CASZ1: variants seen among roughly 807,000 people sequenced by gnomAD.
CASZ1 encodes the protein castor zinc finger 1, also known as zinc finger protein castor homolog 1.
In CASZ1, 28 loss-of-function variants were observed where a neutral mutation model predicts 135.2. That is an observed-to-expected ratio of 0.21 (90% CI 0.15 to 0.28). CASZ1 has a LOEUF of 0.28. Among genes scored for constraint, CASZ1 ranks in the 10% least tolerant of loss-of-function variants. CASZ1 has a pLI of 1.00. For synonymous variants in CASZ1, 1,068 were observed against 1,073.4 expected, an observed-to-expected ratio of 0.99 and a Z score of 0.10; for missense variants, 2,161 against 2,453.3, an observed-to-expected ratio of 0.88 and a Z score of 2.52.
In CASZ1 at chr1:10,659,841, C is replaced by T. The variant is rs751784290; in HGVS notation, c.1201G>A (p.Ala401Thr). 5.0e-6 allele frequency: 8 copies of T among 1,611,584 alleles called. No homozygotes were observed. Among genetic ancestry groups the T allele is most frequent in the African/African-American group, 4.0e-5 (3 of 74,562 alleles). The change falls in exon 6 of 21, where the codon GCC (alanine) becomes ACC (threonine). Residue 401 changes from alanine to threonine, a missense_variant. This residue lies in a region of CASZ1 where 590 missense variants were observed against 609.8 expected (regional missense o/e 0.97). Coordinates refer to ENST00000377022, the MANE Select transcript of CASZ1 (RefSeq NM_001079843.3). ...GCGCTGGGGGCACTGGGCACGCTGG[C>T]GAGGGGTGCGGGAGCCAGGCTGGGG... ...PTPSLAPAPLASVPSAPSAPG... is the reference protein window; with the variant it reads ...PTPSLAPAPLTSVPSAPSAPG...
chr1:10,670,822 C>T (rs1643374665), intron 4 of CASZ1, among the ~76,000 whole-genome samples: 1 of 152,234 alleles, frequency 6.6e-6, no homozygotes, highest in Non-Finnish European at 1.5e-5. Context: ...CCCCATCCTT[C>T]AGCTGTGACC....
At chr1:10,673,881 C>T (rs750470125) in intron 4 of CASZ1, among the ~76,000 whole-genome samples, 17 of 152,186 alleles carry the variant, frequency 1.1e-4, no homozygotes, top group Non-Finnish European at 1.6e-4. Flanking sequence ...AGGCCAGGCG[C>T]CCTGGGTCTT....
intron 1 of CASZ1, among the ~76,000 whole-genome samples, chr1:10,780,205 C>A (rs1363499133): frequency 6.6e-6 from 1 of 152,228 alleles, no homozygotes; most frequent in Non-Finnish European, 1.5e-5. Flanking sequence ...CAAAGACTGT[C>A]ATTTTCTCAT....
In CASZ1 at chr1:10,639,136, C is replaced by T; in HGVS notation, c.5086G>A (p.Asp1696Asn). The T allele has an allele frequency of 1.8e-6, 2 of 1,126,282 alleles. No homozygotes were observed. Among genetic ancestry groups the T allele is most frequent in the Non-Finnish European group, 1.1e-6 (1 of 903,954 alleles). 69.8% of individuals were successfully genotyped at this position (1,126,282 alleles called of 1,614,324 possible). ...EEEAEDDEDE[D>N]DDEDDDDEDD... ...TCGTCGTCGTCGTCCTCGTCGTCGT[C>T]CTCGTCCTCGTCGTCTTCGGCCTCC... is the stretch of plus-strand genomic sequence containing the variant. The change falls in exon 21 of 21, where the codon GAC becomes AAC. Residue 1696 changes from aspartate (D) to asparagine (N), a missense_variant. Physicochemically the swap from Asp to Asn is conservative, Grantham distance 23. Transcript: ENST00000377022. The surrounding 1 kb of genome is among the most constrained non-coding windows in gnomAD (Gnocchi z 4.0).
intron 2 of CASZ1, among the ~76,000 whole-genome samples, chr1:10,713,374 T>C (rs767709013): frequency 5.3e-5 from 8 of 152,244 alleles, no homozygotes; most frequent in Non-Finnish European, 1.0e-4. Flanking sequence ...CTTTAATAAA[T>C]AATTTGTAGG....
At chr1:10,742,712 G>A (rs934051596) in intron 2 of CASZ1, among the ~76,000 whole-genome samples, 6 of 152,160 alleles carry the variant, frequency 3.9e-5, no homozygotes, top group African/African-American at 1.4e-4. Flanking sequence ...GGCCGGGTGT[G>A]GTGGCTCATG....
At chr1:10,753,815 G>C (rs994333598) in intron 2 of CASZ1, among the ~76,000 whole-genome samples, 7 of 152,172 alleles carry the variant, frequency 4.6e-5, no homozygotes, top group African/African-American at 7.2e-5. Flanking sequence ...CGGAGTCGGT[G>C]ACAGGTGGGT....
rs1409320634 is a variant in CASZ1 at position 10,756,201 on chromosome 1, C to G, written c.-77+4500G>C. 1.3e-5 allele frequency among the ~76,000 whole-genome samples: 2 copies of G among 152,134 alleles called. No individual in the cohort carries two copies. The highest frequency in any genetic ancestry group is 2.9e-5 in the Non-Finnish European group (2 of 68,010). ...GCCGCTGCCAGCCTGCACTTCTGCT[C>G]TCTCCCGTTGCTGCCTCTGGAGGTC... On this transcript the variant is annotated intron_variant, in intron 2 of 20. Transcript: ENST00000377022. The surrounding 1 kb of genome is among the most constrained non-coding windows in gnomAD (Gnocchi z 5.9).
rs552378617 is a variant in CASZ1 at position 10,688,255 on chromosome 1, G to A, written c.16+5619C>T. Among the ~76,000 whole-genome samples the A allele has an allele frequency of 3.3e-5, 5 of 152,332 alleles. No homozygotes were observed. The East Asian group carries it at 7.7e-4, about 24-fold the overall frequency. Reference sequence around the variant, plus strand: ...TCTACCCGGAGCCCCAGAACAGCAGGCTCGCAGCCAGCAGCTTCTCTATCT... The same window carrying A: ...TCTACCCGGAGCCCCAGAACAGCAGACTCGCAGCCAGCAGCTTCTCTATCT... On this transcript the variant is annotated intron_variant, in intron 4 of 20. Coordinates refer to ENST00000377022, the MANE Select transcript of CASZ1 (RefSeq NM_001079843.3).
At position 10,788,187 on chromosome 1, in the gene CASZ1, C is replaced by A. The variant is rs932753385; in HGVS notation, c.-234+8377G>T. 2.0e-5 allele frequency among the ~76,000 whole-genome samples: 3 copies of A among 152,142 alleles called. No individual in the cohort carries two copies. Among genetic ancestry groups the A allele is most frequent in the African/African-American group, 7.2e-5 (3 of 41,430 alleles). On this transcript the variant is annotated intron_variant, in intron 1 of 20. Transcript: ENST00000377022. This position sits in a 1 kb window ranked among gnomAD's most constrained non-coding sequence, Gnocchi z 4.1. ...GTATCCATTACTGTGGATAGGGGAA[C>A]CGGGAGAGCTGCCTTTGGCTTGGTG...
In CASZ1 at chr1:10,653,473, T is replaced by C. The variant is rs376938036; in HGVS notation, c.2584A>G (p.Ile862Val). 273 of 1,612,986 alleles carry C rather than the reference T, an allele frequency of 1.7e-4. No individual in the cohort carries two copies. Among genetic ancestry groups the C allele is most frequent in the Non-Finnish European group, 2.0e-4 (239 of 1,179,936 alleles). Residue 862 changes from isoleucine to valine, a missense_variant, in exon 11 of 21, where the codon ATC (isoleucine) becomes GTC (valine). By Grantham distance (29) the Ile-to-Val change is conservative. This residue lies in a region of CASZ1 where 406 missense variants were observed against 387.6 expected (regional missense o/e 1.05). Coordinates refer to ENST00000377022, the MANE Select transcript of CASZ1 (RefSeq NM_001079843.3). ...TTGCTTGCAGAGATCCTCTCCATGATGGAGGCGGGTGGTGCCGGGACAGAG... is the reference window on the plus strand; with the variant it reads ...TTGCTTGCAGAGATCCTCTCCATGACGGAGGCGGGTGGTGCCGGGACAGAG... ...AASVPAPPASIMERISASKGL... is the reference protein window; with the variant it reads ...AASVPAPPASVMERISASKGL...
At position 10,709,009 on chromosome 1, in the gene CASZ1, C is replaced by T. The variant is rs1414188159; in HGVS notation, c.-76-3465G>A. 1.4e-5 allele frequency among the ~76,000 whole-genome samples: 2 copies of T among 145,922 alleles called. No homozygotes were observed. The highest frequency in any genetic ancestry group is 2.6e-5 in the African/African-American group (1 of 38,668). On this transcript the variant is annotated intron_variant, in intron 2 of 20. Coordinates refer to ENST00000377022, the MANE Select transcript of CASZ1 (RefSeq NM_001079843.3). The surrounding 1 kb of genome is among the most constrained non-coding windows in gnomAD (Gnocchi z 5.1). The stretch of plus-strand genomic sequence containing the variant: ...TGGGTGAGGGAGGGAGGGAGTGCCA[C>T]GAGAGATGGGACGGGGGAGAGTGAC...
At chr1:10,781,163 G>A (rs374446678) in intron 1 of CASZ1, among the ~76,000 whole-genome samples, 156 of 152,310 alleles carry the variant, frequency 1.0e-3, no homozygotes, top group African/African-American at 3.5e-3. Context: ...CCTGGAGGGC[G>A]AGGAGGGGGC....
rs1487894492 is a variant in CASZ1 at position 10,794,536 on chromosome 1, G to A, written c.-234+2028C>T. On this transcript the variant is annotated intron_variant, in intron 1 of 20. Transcript: ENST00000377022. This position sits in a 1 kb window ranked among gnomAD's most constrained non-coding sequence, Gnocchi z 5.6. The stretch of plus-strand genomic sequence containing the variant: ...CCGCTTTTCCGGTGGGCACGCACCC[G>A]CACCCGCACCGTAGCCAGCGTGGCT... Among the ~76,000 whole-genome samples, 1 of 152,026 alleles carries A rather than the reference G, an allele frequency of 6.6e-6. No homozygotes were observed. The highest frequency in any genetic ancestry group is 6.6e-5 in the Admixed American group (1 of 15,262).
At position 10,792,335 on chromosome 1, in the gene CASZ1, CCCCCCGG is replaced by C. The variant is rs1278359313; in HGVS notation, c.-234+4222_-234+4228del. On this transcript the variant is annotated intron_variant, in intron 1 of 20. Coordinates refer to ENST00000377022, the MANE Select transcript of CASZ1 (RefSeq NM_001079843.3). ...GCTTACCCCTCCCCCCCGCCCCCCCCCCCCCGGCCCCGCACACAAAGTAAATGGAAAT... is the reference window on the plus strand; with the variant it reads ...GCTTACCCCTCCCCCCCGCCCCCCCCCCCCGCACACAAAGTAAATGGAAAT... Among the ~76,000 whole-genome samples the C allele has an allele frequency of 1.2e-4, 5 of 42,490 alleles. 1 individual carries two copies. Among genetic ancestry groups the C allele is most frequent in the African/African-American group, 2.3e-4 (3 of 13,108 alleles). The allele number at this position is 42,490 out of a possible 152,430, so 27.9% of individuals were successfully genotyped here.
At chr1:10,653,080 G>A (rs574728900) in intron 11 of CASZ1, 4 of 451,430 alleles carry the variant, frequency 8.9e-6, no homozygotes, top group African/African-American at 6.0e-5. Flanking sequence ...ACAGGGAGGG[G>A]GGACCTGCAG....
intron 2 of CASZ1, among the ~76,000 whole-genome samples, chr1:10,729,846 C>G (rs1234349462): frequency 6.6e-6 from 1 of 152,056 alleles, no homozygotes; most frequent in Non-Finnish European, 1.5e-5. Flanking sequence ...CATGGAGTCT[C>G]GCTCTGTCGC....
Position 10,645,043 on chromosome 1 carries a change from C to T in CASZ1, c.3742G>A (p.Gly1248Ser), listed in dbSNP as rs375565840. Reference protein sequence around the residue: ...MRGHYHCLRTGCYFVTNITTK... With the variant: ...MRGHYHCLRTSCYFVTNITTK... ...GTGATGTTGGTCACAAAATAGCAGC[C>T]GGTGCGGAGGCAGTGGTAGTGCCCA... The change falls in exon 18 of 21, where the codon GGC (glycine) becomes AGC (serine). Residue 1248 changes from glycine (G) to serine (S), a missense_variant. Transcript: ENST00000377022. 2.1e-5 allele frequency: 34 copies of T among 1,613,938 alleles called. No homozygotes were observed. The African/African-American group carries it at 2.1e-4, about 10-fold the overall frequency.
intron 9 of CASZ1, among the ~76,000 whole-genome samples, chr1:10,655,051 G>A (rs184280591): frequency 1.2e-4 from 19 of 152,256 alleles, no homozygotes; most frequent in South Asian, 4.1e-4. Context: ...GCTGGGCCAG[G>A]AAGGCAACGT....
Sources: gnomAD v4.1 joint callset for allele counts (sites outside exome capture counted in the v4.1 genomes callset) on GRCh38, gnomAD v4.1.1 for gene constraint, gnomAD v4.1.1 regional missense constraint, Gnocchi (gnomAD v3.1) non-coding constraint, MANE v1.5 for transcripts, NCBI Gene and HGNC (gene_info 2026-07-23, HGNC 2026-07-21) for gene names.